Variants in CA10 observed in about 807,000 individuals in gnomAD.
The protein encoded by CA10 is carbonic anhydrase 10 (inactive), also known as carbonic anhydrase-related protein 10.
Under a neutral mutation model 44.2 loss-of-function variants are expected in CA10, and 14 were observed. The ratio of observed to expected loss-of-function variants is 0.32; its 90% CI spans 0.21 to 0.50. The LOEUF is 0.50. Among genes scored for constraint, CA10 ranks in the 20% least tolerant of loss-of-function variants. CA10 has a pLI of 0.99. For missense variants in CA10, 350 were observed against 409.7 expected, an observed-to-expected ratio of 0.85 and a Z score of 1.26; for synonymous variants, 159 against 141.6, an observed-to-expected ratio of 1.12 and a Z score of -0.87.
intron 4 of CA10, among the ~76,000 whole-genome samples, chr17:51,687,090 G>A (rs1449918571): frequency 6.6e-6 from 1 of 152,092 alleles, no homozygotes; most frequent in Non-Finnish European, 1.5e-5. Context: ...TAAAATCCAA[G>A]CTCATTGTCC....
intron 3 of CA10, among the ~76,000 whole-genome samples, chr17:51,812,752 G>C (rs991477862): frequency 1.3e-5 from 2 of 152,178 alleles, no homozygotes; most frequent in Non-Finnish European, 2.9e-5. Context: ...CTTTTGTAAT[G>C]CTGTCCTGAG....
In CA10 at chr17:52,093,163, T is replaced by A. The variant is rs143019770; in HGVS notation, c.62-20770A>T. Among the ~76,000 whole-genome samples, 603 of 152,264 alleles carry A rather than the reference T, an allele frequency of 4.0e-3. 2 individuals carry two copies. The highest frequency in any genetic ancestry group is 0.014 in the African/African-American group (572 of 41,550). Reference sequence around the variant, plus strand: ...GTAGATACATATGTACACATACATATATCAGGGAAGTAAAGAGGACATAGT... The same window carrying A: ...GTAGATACATATGTACACATACATAAATCAGGGAAGTAAAGAGGACATAGT... On this transcript the variant is annotated intron_variant, in intron 1 of 8. Transcript: ENST00000451037.
intron 4 of CA10, among the ~76,000 whole-genome samples, chr17:51,657,509 C>T (rs149116136): frequency 1.7e-3 from 252 of 152,280 alleles, no homozygotes; most frequent in African/African-American, 5.3e-3. Context: ...ACTGCTTCTC[C>T]TACCATGACT....
At chr17:51,861,186 T>C (rs1202496830) in intron 3 of CA10, among the ~76,000 whole-genome samples, 11 of 152,118 alleles carry the variant, frequency 7.2e-5, no homozygotes, top group Non-Finnish European at 1.6e-4. Flanking sequence ...ACGGGAGAGA[T>C]CTGATACTCC....
intron 2 of CA10, among the ~76,000 whole-genome samples, chr17:51,941,181 T>A (rs1983063795): frequency 6.6e-6 from 1 of 152,156 alleles, no homozygotes; most frequent in African/African-American, 2.4e-5. Flanking sequence ...CCCACTCTTA[T>A]TCTGCTCTCA....
intron 3 of CA10, among the ~76,000 whole-genome samples, chr17:51,793,115 T>C (rs977478253): frequency 1.3e-5 from 2 of 152,202 alleles, no homozygotes; most frequent in African/African-American, 4.8e-5. Context: ...CTTCTCTCTC[T>C]ATGGCCAATG....
intron 2 of CA10, among the ~76,000 whole-genome samples, chr17:52,068,817 A>T (rs1026978844): frequency 4.6e-5 from 7 of 152,346 alleles, no homozygotes; most frequent in Non-Finnish European, 7.3e-5. Context: ...CTTACATGGC[A>T]TGAATAGAAC....
intron 2 of CA10, among the ~76,000 whole-genome samples, chr17:51,979,929 G>A (rs912248294): frequency 6.6e-5 from 10 of 152,104 alleles, no homozygotes; most frequent in African/African-American, 9.7e-5. Context: ...TCATTGATGG[G>A]CATTTAGATT....
At position 51,631,312 on chromosome 17, in the gene CA10, T is replaced by G; in HGVS notation, c.*272A>C. 1 of 403,188 alleles carries G rather than the reference T, an allele frequency of 2.5e-6. No homozygotes were observed. The highest frequency in any genetic ancestry group is 4.5e-6 in the Non-Finnish European group (1 of 224,084). 25.0% of individuals were successfully genotyped at this position (403,188 alleles called of 1,614,324 possible). ...GTTTCTGAAACTTGACTTCCCATGA[T>G]GGAGGTTGTAAGAGTGTGTGTGTGT... On this transcript the variant is annotated 3_prime_UTR_variant, in exon 9 of 9. Transcript: ENST00000451037.
At chr17:52,156,238 C>T (rs900218618) in intron 1 of CA10, among the ~76,000 whole-genome samples, 1 of 152,058 alleles carries the variant, frequency 6.6e-6, no homozygotes, top group African/African-American at 2.4e-5. Flanking sequence ...TAAAATATGG[C>T]CTTGTGAGAT....
At position 51,654,845 on chromosome 17, in the gene CA10, TGC is replaced by T. The variant is rs150988395; in HGVS notation, c.466-1111_466-1110del. 6.1e-3 allele frequency among the ~76,000 whole-genome samples: 928 copies of T among 152,270 alleles called. 8 individuals are homozygous for T. Among genetic ancestry groups the T allele is most frequent in the African/African-American group, 0.022 (902 of 41,548 alleles). On this transcript the variant is annotated intron_variant, in intron 4 of 8. Coordinates refer to ENST00000451037, the MANE Select transcript of CA10 (RefSeq NM_020178.5). ...TGCTGGGATTACAGGTGTGAGCCAC[TGC>T]GCCCGGCCAGAAGCATAATTTTTTA...
At chr17:52,156,608 T>C (rs1395720668) in intron 1 of CA10, among the ~76,000 whole-genome samples, 1 of 152,154 alleles carries the variant, frequency 6.6e-6, no homozygotes, top group African/African-American at 2.4e-5. Flanking sequence ...GGGAGGGGAT[T>C]GACAGGGCTG....
At chr17:51,671,499 G>T (rs1914421556) in intron 4 of CA10, among the ~76,000 whole-genome samples, 1 of 152,116 alleles carries the variant, frequency 6.6e-6, no homozygotes, top group Non-Finnish European at 1.5e-5. Context: ...CCACCTCCCG[G>T]GTTCACGCCG....
At chr17:51,667,798 C>T (rs1025298296) in intron 4 of CA10, among the ~76,000 whole-genome samples, 5 of 152,108 alleles carry the variant, frequency 3.3e-5, no homozygotes, top group Admixed American at 6.6e-5. Flanking sequence ...CAGGGAAGTC[C>T]AGATGGTGCC....
intron 2 of CA10, among the ~76,000 whole-genome samples, chr17:52,033,224 C>T (rs1986520286): frequency 6.6e-6 from 1 of 152,142 alleles, no homozygotes; most frequent in Non-Finnish European, 1.5e-5. Flanking sequence ...TGGCTCATAC[C>T]AATTTGAACC....
intron 4 of CA10, among the ~76,000 whole-genome samples, chr17:51,731,463 G>C (rs1254317301): frequency 1.3e-5 from 2 of 152,124 alleles, no homozygotes; most frequent in Non-Finnish European, 2.9e-5. Flanking sequence ...TCTAGAAACT[G>C]ACAGGGAGAC....
intron 4 of CA10, among the ~76,000 whole-genome samples, chr17:51,700,428 C>T (rs1915555460): frequency 6.6e-6 from 1 of 152,200 alleles, no homozygotes; most frequent in Admixed American, 6.5e-5. Flanking sequence ...CTGGCCCCTT[C>T]TCCCACCTCC....
At chr17:51,869,257 C>A (rs112503351) in intron 3 of CA10, among the ~76,000 whole-genome samples, 7 of 152,156 alleles carry the variant, frequency 4.6e-5, no homozygotes, top group African/African-American at 1.4e-4. Context: ...GGCCACAAAT[C>A]CAATCATAAA....
chr17:52,084,726 G>C (rs1390020346), intron 1 of CA10, among the ~76,000 whole-genome samples: 1 of 152,150 alleles, frequency 6.6e-6, no homozygotes, highest in Non-Finnish European at 1.5e-5. Flanking sequence ...GGCAAAAATA[G>C]TGCTACTAAA....
Sources: gnomAD v4.1 joint callset for allele counts (sites outside exome capture counted in the v4.1 genomes callset) on GRCh38, gnomAD v4.1.1 for gene constraint, MANE v1.5 for transcripts, NCBI Gene and HGNC (gene_info 2026-07-23, HGNC 2026-07-21) for gene names.